The following FAT3 variants were observed in gnomAD, a reference collection of about 807,000 sequenced individuals.
FAT3 encodes the protein FAT atypical cadherin 3.
A neutral mutation model predicts 310.2 loss-of-function variants in FAT3; 95 were observed. That is an observed-to-expected ratio of 0.31 (90% CI 0.26 to 0.36). FAT3 has a LOEUF of 0.36. Ranked by LOEUF, FAT3 falls within the 10% of genes least tolerant of loss-of-function variation. The probability of loss-of-function intolerance (pLI) is 1.00; values close to 1 mark genes in which losing one functional copy is unlikely to be tolerated. For synonymous variants in FAT3, 2,314 were observed against 2,192.9 expected (o/e 1.06, Z -1.54); for missense variants, 5,408 against 5,715.6 (o/e 0.95, Z 1.74).
chr11:92,395,187 C>T (rs1001486091), intron 2 of FAT3, among the ~76,000 whole-genome samples: 12 of 152,088 alleles, frequency 7.9e-5, no homozygotes, highest in African/African-American at 2.9e-4. Flanking sequence ...GGTCCTTTAC[C>T]AATTTCTCAC....
At chr11:92,728,223 G>C (rs1565545286) in intron 4 of FAT3, among the ~76,000 whole-genome samples, 1 of 152,174 alleles carries the variant, frequency 6.6e-6, no homozygotes, top group Non-Finnish European at 1.5e-5. Flanking sequence ...TAAATAGTTA[G>C]AATTTGTTTT....
chr11:92,830,111 G>A (rs987807700), intron 13 of FAT3, among the ~76,000 whole-genome samples: 18 of 152,140 alleles, frequency 1.2e-4, no homozygotes, highest in East Asian at 3.9e-4. Flanking sequence ...ACTAATGACC[G>A]TCTTCTTTAA....
chr11:92,264,112 C>A (rs1411163113), intron 1 of FAT3, among the ~76,000 whole-genome samples: 1 of 152,132 alleles, frequency 6.6e-6, no homozygotes, highest in Admixed American at 6.6e-5. Flanking sequence ...CTGTGTGCCT[C>A]TTCTACTTTG....
chr11:92,768,105 T>C (rs1212656277), intron 6 of FAT3, among the ~76,000 whole-genome samples: 1 of 152,206 alleles, frequency 6.6e-6, no homozygotes, highest in East Asian at 1.9e-4. Flanking sequence ...GGCATCAGTT[T>C]TCATGTTTCT....
intron 3 of FAT3, among the ~76,000 whole-genome samples, chr11:92,562,016 T>C (rs1955244873): frequency 6.6e-6 from 1 of 152,206 alleles, no homozygotes; most frequent in African/African-American, 2.4e-5. Flanking sequence ...TTAAAGTGGG[T>C]AATTAAATTC....
chr11:92,510,673 A>G (rs1433067044), intron 2 of FAT3, among the ~76,000 whole-genome samples: 3 of 152,242 alleles, frequency 2.0e-5, no homozygotes, highest in African/African-American at 7.2e-5. Flanking sequence ...GCTAAGTTTT[A>G]GAATTCCTGA....
intron 4 of FAT3, among the ~76,000 whole-genome samples, chr11:92,757,600 A>T (rs1359119396): frequency 6.6e-6 from 1 of 152,204 alleles, no homozygotes; most frequent in African/African-American, 2.4e-5. Context: ...ATGATTGATG[A>T]TGCCATTGAT....
At chr11:92,720,300 C>G (rs1394864368) in intron 4 of FAT3, among the ~76,000 whole-genome samples, 1 of 152,098 alleles carries the variant, frequency 6.6e-6, no homozygotes, top group Non-Finnish European at 1.5e-5. Flanking sequence ...GGGATTGATT[C>G]TCTTCTTTTA....
intron 1 of FAT3, among the ~76,000 whole-genome samples, chr11:92,251,832 T>A (rs1305825969): frequency 6.6e-6 from 1 of 152,188 alleles, no homozygotes. Context: ...AGAAAAGAGA[T>A]AATAAATGAG....
intron 4 of FAT3, among the ~76,000 whole-genome samples, chr11:92,729,553 A>G (rs1320545170): frequency 6.6e-6 from 1 of 151,762 alleles, no homozygotes; most frequent in Non-Finnish European, 1.5e-5. Context: ...CAGCCTCCCA[A>G]GTAGCTGGGA....
At chr11:92,421,966 A>G (rs1950541902) in intron 2 of FAT3, among the ~76,000 whole-genome samples, 2 of 152,196 alleles carry the variant, frequency 1.3e-5, no homozygotes, top group African/African-American at 4.8e-5. Context: ...AACAAGTGTG[A>G]TGGAACAAAG....
chr11:92,530,483 A>T (rs951841323), intron 3 of FAT3, among the ~76,000 whole-genome samples: 2 of 152,112 alleles, frequency 1.3e-5, no homozygotes, highest in African/African-American at 4.8e-5. Context: ...ATCAACTCCC[A>T]TATCCTTACT....
In FAT3 at chr11:92,352,441, A is replaced by C. The variant is rs1948594176; in HGVS notation, c.329A>C (p.Lys110Thr). Residue 110 changes from lysine to threonine, a missense_variant, in exon 2 of 28, where the codon AAA (lysine) becomes ACA (threonine). By Grantham distance (78) the Lys-to-Thr change is moderately conservative (BLOSUM62 -1). Around this residue, in one of 5 missense-constraint regions of FAT3, gnomAD observed 152 missense variants for 188.3 expected, o/e 0.81. Coordinates refer to ENST00000525166, the MANE Select transcript of FAT3 (RefSeq NM_001367949.2). ...ADFCFLRIRTKGGNSAILNRE... is the reference protein window; with the variant it reads ...ADFCFLRIRTTGGNSAILNRE... ...TTCTGTTTTCTCAGAATAAGAACTA[A>C]AGGTGGCAATTCTGCCATATTAAAT... The C allele has an allele frequency of 6.2e-7, 1 of 1,612,472 alleles. No individual in the cohort carries two copies. The highest frequency in any genetic ancestry group is 8.5e-7 in the Non-Finnish European group (1 of 1,179,486).
intron 4 of FAT3, among the ~76,000 whole-genome samples, chr11:92,715,574 TAC>T (rs954275099): frequency 7.9e-5 from 12 of 151,808 alleles, no homozygotes; most frequent in African/African-American, 2.4e-4. Flanking sequence ...CACACACACA[TAC>T]ACACACACGT....
intron 3 of FAT3, among the ~76,000 whole-genome samples, chr11:92,662,846 G>C (rs1051999305): frequency 3.9e-5 from 6 of 152,332 alleles, no homozygotes; most frequent in African/African-American, 1.4e-4. Flanking sequence ...GCTTTTAGCT[G>C]GCAATGTGAT....
intron 22 of FAT3, among the ~76,000 whole-genome samples, chr11:92,879,719 T>G (rs1949628975): frequency 6.6e-6 from 1 of 151,550 alleles, no homozygotes. Context: ...GGCTGAAGGT[T>G]TGAAATAAAA....
Position 92,790,163 on chromosome 11 carries a change from A to G in FAT3, c.4556A>G (p.Tyr1519Cys), listed in dbSNP as rs752489854. 1 of 1,613,750 alleles carries G rather than the reference A, an allele frequency of 6.2e-7. No homozygotes were observed. Among genetic ancestry groups the G allele is most frequent in the African/African-American group, 1.3e-5 (1 of 75,018 alleles). Residue 1519 changes from tyrosine (Y) to cysteine (C), a missense_variant, in exon 8 of 28, where the codon TAT becomes TGT. By Grantham distance (194) the Tyr-to-Cys change is radical (BLOSUM62 -2). Transcript: ENST00000525166. ...ATTGACCCTAGCACTGGCGTGCTCT[A>G]TACTGCCGAGAGGCTGGACCATGAG... is the stretch of plus-strand genomic sequence containing the variant. The part of the protein sequence containing the change: ...FRIDPSTGVL[Y>C]TAERLDHEAQ...
intron 2 of FAT3, among the ~76,000 whole-genome samples, chr11:92,455,802 C>T (rs1456371685): frequency 6.6e-6 from 1 of 152,154 alleles, no homozygotes; most frequent in African/African-American, 2.4e-5. Context: ...CTGATGCAAA[C>T]TATTAGCCCA....
intron 5 of FAT3, among the ~76,000 whole-genome samples, chr11:92,763,818 C>T (rs1946227056): frequency 6.6e-6 from 1 of 152,224 alleles, no homozygotes; most frequent in African/African-American, 2.4e-5. Flanking sequence ...CATTTGTACT[C>T]AAATGCCTGT....
Sources: gnomAD v4.1 joint callset for allele counts (sites outside exome capture counted in the v4.1 genomes callset) on GRCh38, gnomAD v4.1.1 for gene constraint, gnomAD v4.1.1 regional missense constraint, MANE v1.5 for transcripts, NCBI Gene and HGNC (gene_info 2026-07-23, HGNC 2026-07-21) for gene names.